Variants in AGMO observed in about 807,000 individuals in gnomAD.
AGMO encodes the protein alkylglycerol monooxygenase.
AGMO carries 75 observed loss-of-function variants against 60.2 expected under a neutral mutation model. That is an observed-to-expected ratio of 1.25 (90% CI 1.03 to 1.51). AGMO has a LOEUF of 1.51. Among genes scored for constraint, AGMO ranks in the 40% most tolerant of loss-of-function variants. The pLI, the probability that AGMO is intolerant of heterozygous loss-of-function variation, is 0.00. For missense variants in AGMO, 763 were observed against 525.5 expected, an observed-to-expected ratio of 1.45 and a Z score of -4.42; for synonymous variants, 261 against 177.1, an observed-to-expected ratio of 1.47 and a Z score of -3.76.
chr7:15,553,763 A>G, intron 2 of AGMO, among the ~76,000 whole-genome samples: 1 of 152,116 alleles, frequency 6.6e-6, no homozygotes, highest in East Asian at 1.9e-4. Flanking sequence ...AAATTGAAAT[A>G]CTTTTCTATT....
chr7:15,331,948 A>T (rs1781508592), intron 12 of AGMO, among the ~76,000 whole-genome samples: 1 of 151,846 alleles, frequency 6.6e-6, no homozygotes, highest in Admixed American at 6.6e-5. Context: ...TTGCCATGTG[A>T]CTAAGTCCTG....
At chr7:15,211,602 A>G (rs1018212532) in intron 12 of AGMO, among the ~76,000 whole-genome samples, 2 of 151,732 alleles carry the variant, frequency 1.3e-5, no homozygotes, top group African/African-American at 4.8e-5. Flanking sequence ...AACACATTTT[A>G]GTGTCTTAAC....
chr7:15,453,341 A>C (rs1316996463), intron 3 of AGMO, among the ~76,000 whole-genome samples: 1 of 152,232 alleles, frequency 6.6e-6, no homozygotes, highest in African/African-American at 2.4e-5. Flanking sequence ...CTAAAGCAAA[A>C]GGAAAAACTA....
At chr7:15,483,709 A>C (rs910280015) in intron 3 of AGMO, among the ~76,000 whole-genome samples, 1 of 152,226 alleles carries the variant, frequency 6.6e-6, no homozygotes, top group Non-Finnish European at 1.5e-5. Flanking sequence ...GGTAAATACC[A>C]TATTCTAGAT....
At chr7:15,384,773 T>C (rs1296048700) in intron 10 of AGMO, among the ~76,000 whole-genome samples, 3 of 151,630 alleles carry the variant, frequency 2.0e-5, no homozygotes, top group Non-Finnish European at 2.9e-5. Context: ...TGTAAATTTT[T>C]AATGAAGAAT....
At chr7:15,538,962 A>G (rs1295486907) in intron 3 of AGMO, among the ~76,000 whole-genome samples, 1 of 152,186 alleles carries the variant, frequency 6.6e-6, no homozygotes, top group Non-Finnish European at 1.5e-5. Context: ...AAAAAGTTAC[A>G]GTTTGAGGGG....
intron 12 of AGMO, among the ~76,000 whole-genome samples, chr7:15,311,166 C>G (rs1314354898): frequency 1.3e-5 from 2 of 151,884 alleles, no homozygotes; most frequent in Non-Finnish European, 2.9e-5. Flanking sequence ...AAAACAAAAC[C>G]AAAAATGCTA....
the AGMO span, among the ~76,000 whole-genome samples, chr7:15,144,020 T>C: frequency 2.6e-5 from 4 of 152,224 alleles, no homozygotes; most frequent in Non-Finnish European, 5.9e-5. Context: ...TTTGGTGGTG[T>C]TGACAATCAT....
At chr7:15,265,932 T>A (rs1380195318) in intron 12 of AGMO, among the ~76,000 whole-genome samples, 1 of 152,130 alleles carries the variant, frequency 6.6e-6, no homozygotes, top group Non-Finnish European at 1.5e-5. Flanking sequence ...ACACATACAA[T>A]AGAATATTAT....
chr7:15,245,588 T>C (rs1350279449), intron 12 of AGMO, among the ~76,000 whole-genome samples: 3 of 151,400 alleles, frequency 2.0e-5, no homozygotes, highest in African/African-American at 7.4e-5. Context: ...CCATAAATAT[T>C]CCAAGACTAC....
At chr7:15,204,358 T>G (rs928273628) in intron 12 of AGMO, among the ~76,000 whole-genome samples, 3 of 152,182 alleles carry the variant, frequency 2.0e-5, no homozygotes, top group African/African-American at 7.2e-5. Flanking sequence ...ATTAAATATG[T>G]CACTTTACTT....
the AGMO span, among the ~76,000 whole-genome samples, chr7:15,183,065 T>C: frequency 6.6e-6 from 1 of 152,022 alleles, no homozygotes; most frequent in African/African-American, 2.4e-5. Context: ...GGATTACAAT[T>C]TGACATGAGA....
chr7:15,387,143 C>T (rs1341185129), intron 9 of AGMO, among the ~76,000 whole-genome samples: 1 of 152,120 alleles, frequency 6.6e-6, no homozygotes, highest in Non-Finnish European at 1.5e-5. Flanking sequence ...GCGTTCAAGT[C>T]GATATGAAAA....
intron 5 of AGMO, among the ~76,000 whole-genome samples, chr7:15,404,975 G>C (rs946370722): frequency 6.6e-6 from 1 of 151,688 alleles, no homozygotes; most frequent in Admixed American, 6.6e-5. Context: ...ATATTTTAAA[G>C]TCAAATATTA....
At chr7:15,367,033 A>G (rs1259073848) in intron 10 of AGMO, among the ~76,000 whole-genome samples, 1 of 151,940 alleles carries the variant, frequency 6.6e-6, no homozygotes, top group Non-Finnish European at 1.5e-5. Flanking sequence ...GTCTTTTTTT[A>G]TTGTTTAAAA....
chr7:15,364,511 A>G (rs796606639), intron 12 of AGMO, among the ~76,000 whole-genome samples: 27 of 152,166 alleles, frequency 1.8e-4, no homozygotes, highest in African/African-American at 6.5e-4. Context: ...AATTTCAAAT[A>G]GTCCTCCATT....
chr7:15,459,362 C>G (rs763725498), intron 3 of AGMO, among the ~76,000 whole-genome samples: 30 of 152,048 alleles, frequency 2.0e-4, no homozygotes, highest in Non-Finnish European at 3.4e-4. Flanking sequence ...TGCTTCTGGG[C>G]AGGAGATCCA....
At chr7:15,434,450 G>C (rs1250630319) in intron 3 of AGMO, among the ~76,000 whole-genome samples, 1 of 152,130 alleles carries the variant, frequency 6.6e-6, no homozygotes, top group African/African-American at 2.4e-5. Context: ...ACAGTAGCTT[G>C]TGTCTTGGGT....
intron 12 of AGMO, among the ~76,000 whole-genome samples, chr7:15,216,440 T>A (rs1443692491): frequency 6.6e-6 from 1 of 152,122 alleles, no homozygotes; most frequent in East Asian, 1.9e-4. Flanking sequence ...TAGTGGTAAG[T>A]AACACTAAAA....
Sources: gnomAD v4.1 joint callset for allele counts (sites outside exome capture counted in the v4.1 genomes callset) on GRCh38, gnomAD v4.1.1 for gene constraint, MANE v1.5 for transcripts, NCBI Gene and HGNC (gene_info 2026-07-23, HGNC 2026-07-21) for gene names.